DOCK8: variants seen among roughly 807,000 people sequenced by gnomAD.
DOCK8 encodes the protein dedicator of cytokinesis 8.
A neutral mutation model predicts 245.6 loss-of-function variants in DOCK8; 141 were observed. That is an observed-to-expected ratio of 0.57 (90% confidence interval 0.50 to 0.66). The LOEUF is 0.66. Among genes scored for constraint, DOCK8 ranks in the 30% least tolerant of loss-of-function variants. The pLI, the probability that DOCK8 is intolerant of heterozygous loss-of-function variation, is 0.00. For missense variants in DOCK8, 2,965 were observed against 2,603.4 expected (o/e 1.14, Z -3.02); for synonymous variants, 1,168 against 970.2 (o/e 1.20, Z -3.79).
In DOCK8 at chr9:399,260, G is replaced by A; in HGVS notation, c.3234+1G>A. 1 of 1,608,302 alleles carries A rather than the reference G, an allele frequency of 6.2e-7. No individual in the cohort carries two copies. The highest frequency in any genetic ancestry group is 8.5e-7 in the Non-Finnish European group (1 of 1,177,500). ...CCTCATCAGACATTATTGCAGCCAG[G>A]TGAGTGTCCCCCCCACCCCCACCCC... On this transcript the variant is annotated splice_donor_variant, in intron 26 of 47. Coordinates refer to ENST00000432829, the MANE Select transcript of DOCK8 (RefSeq NM_203447.4). LOFTEE classifies it high-confidence loss of function.
intron 2 of DOCK8, among the ~76,000 whole-genome samples, chr9:275,858 G>T (rs1245103662): frequency 6.7e-6 from 1 of 148,340 alleles, no homozygotes; most frequent in South Asian, 2.1e-4. Context: ...CAAAGTGCTG[G>T]GATTACAGGC....
At chr9:426,607 T>A (rs975859581) in intron 33 of DOCK8, among the ~76,000 whole-genome samples, 3 of 152,224 alleles carry the variant, frequency 2.0e-5, no homozygotes, top group African/African-American at 4.8e-5. Context: ...AACTAATAAC[T>A]GCTTCTCTAC....
intron 1 of DOCK8, among the ~76,000 whole-genome samples, chr9:243,043 A>C (rs536539510): frequency 5.1e-4 from 78 of 152,172 alleles, no homozygotes; most frequent in Non-Finnish European, 9.1e-4. Context: ...TTTCTCTGAA[A>C]TTAGCTGTGG....
intron 24 of DOCK8, among the ~76,000 whole-genome samples, chr9:390,981 A>G (rs1563999557): frequency 1.3e-5 from 2 of 152,220 alleles, no homozygotes; most frequent in Non-Finnish European, 1.5e-5. Context: ...ACAAATTTTT[A>G]TCATGACCTA....
intron 1 of DOCK8, among the ~76,000 whole-genome samples, chr9:235,521 C>T (rs2047223804): frequency 6.6e-6 from 1 of 152,230 alleles, no homozygotes; most frequent in Non-Finnish European, 1.5e-5. Flanking sequence ...GCAGGCAGGC[C>T]TCCTTGAGCT....
At chr9:389,373 TG>T (rs2054087225) in intron 23 of DOCK8, among the ~76,000 whole-genome samples, 1 of 152,196 alleles carries the variant, frequency 6.6e-6, no homozygotes, top group Admixed American at 6.5e-5. Context: ...AAAGTGGAGC[TG>T]GGGGACTTTC....
intron 15 of DOCK8, chr9:368,722 A>G (rs953120042): frequency 2.0e-5 from 3 of 151,724 alleles, no homozygotes; most frequent in Non-Finnish European, 4.4e-5. Context: ...CAGAATTTAT[A>G]CTTTTTAAAC....
intron 2 of DOCK8, among the ~76,000 whole-genome samples, chr9:282,552 G>A (rs933945888): frequency 1.3e-5 from 2 of 150,968 alleles, no homozygotes; most frequent in African/African-American, 4.9e-5. Context: ...GGAGTAGCCA[G>A]CAGTATAGGT....
At chr9:409,144 C>G (rs1349741507) in intron 28 of DOCK8, among the ~76,000 whole-genome samples, 3 of 151,932 alleles carry the variant, frequency 2.0e-5, no homozygotes, top group Admixed American at 2.0e-4. Context: ...AGTTGGTAGA[C>G]TTGCCAACAC....
chr9:255,668 C>CAAAAAA (rs71317282), intron 1 of DOCK8, among the ~76,000 whole-genome samples: 1 of 23,496 alleles, frequency 4.3e-5, no homozygotes, highest in Non-Finnish European at 7.6e-5. Context: ...ACTCCATCTC[C>CAAAAAA]AAAAAAAAAA....
intron 26 of DOCK8, among the ~76,000 whole-genome samples, chr9:404,231 G>T (rs2055310033): frequency 6.6e-6 from 1 of 151,416 alleles, no homozygotes; most frequent in Non-Finnish European, 1.5e-5. Context: ...GGAAGCAAGG[G>T]GTCTCTTCCA....
upstream of DOCK8, chr9:214,548 G>C (rs754555025): frequency 1.2e-6 from 2 of 1,613,598 alleles, no homozygotes; most frequent in Non-Finnish European, 1.7e-6. Context: ...CGCCAGCTTT[G>C]TGGGGCTCCC....
At chr9:324,532 T>C (rs953423966) in intron 7 of DOCK8, among the ~76,000 whole-genome samples, 4 of 152,062 alleles carry the variant, frequency 2.6e-5, no homozygotes, top group Non-Finnish European at 5.9e-5. Flanking sequence ...TGCTTTGGGA[T>C]TCACCGTTTC....
At chr9:395,618 G>T (rs1227991251) in intron 24 of DOCK8, among the ~76,000 whole-genome samples, 1 of 151,992 alleles carries the variant, frequency 6.6e-6, no homozygotes, top group African/African-American at 2.4e-5. Context: ...CGTTTTCAGA[G>T]TGTAGGGACC....
rs973653967 is a variant in DOCK8, at chr9:432,204, G to A, written c.4665G>A (p.Leu1555=). 3.1e-6 allele frequency: 5 copies of A among 1,612,968 alleles called. No homozygotes were observed. The African/African-American group carries it at 5.4e-5, about 17-fold the overall frequency. The change falls in exon 37 of 48, where the codon CTG becomes CTA. Residue 1555 remains leucine, a synonymous_variant. Coordinates refer to ENST00000432829, the MANE Select transcript of DOCK8 (RefSeq NM_203447.4). ...ARVKMQVTMS[L]ASLVGRAPDF... ...TAAAGATGCAAGTAACCATGTCCCT[G>A]GCATCTTTGGTGGGAAGAGCACCAG... is the stretch of plus-strand genomic sequence containing the variant.
Position 338,952 on chromosome 9 carries a change from C to G in DOCK8, c.1423-54C>G, listed in dbSNP as rs541234533. On this transcript the variant is annotated intron_variant, in intron 12 of 47. Transcript: ENST00000432829. Reference sequence around the variant, plus strand: ...AAATCTTCCCAGAAATCGTTTGTCCCCAACCCAAGAGTCAAAGGTGCATCT... The same window carrying G: ...AAATCTTCCCAGAAATCGTTTGTCCGCAACCCAAGAGTCAAAGGTGCATCT... 6.2e-5 allele frequency: 93 copies of G among 1,504,904 alleles called. 4 individuals are homozygous for G. The African/African-American group carries it at 1.0e-3, about 17-fold the overall frequency. 93.2% of individuals were successfully genotyped at this position (1,504,904 alleles called of 1,614,324 possible). A position where few individuals can be genotyped will look rare whatever the true frequency, so the allele number is the denominator to read the frequency against.
chr9:351,019 T>A, intron 14 of DOCK8, among the ~76,000 whole-genome samples: 1 of 152,184 alleles, frequency 6.6e-6, no homozygotes, highest in East Asian at 1.9e-4. Flanking sequence ...TGAGGCCGAT[T>A]GACAATTAGC....
At position 306,550 on chromosome 9, in the gene DOCK8, A is replaced by T. The variant is rs1216474410; in HGVS notation, c.528+1846A>T. Among the ~76,000 whole-genome samples the T allele has an allele frequency of 2.0e-5, 3 of 152,154 alleles. No individual in the cohort carries two copies. The East Asian group carries it at 5.8e-4, about 29-fold the overall frequency. ...AGGTCTGAGAGAACCAAAAGGGAAA[A>T]ATGGAGGCTATCCTAAAATCGTCAT... is the stretch of plus-strand genomic sequence containing the variant. On this transcript the variant is annotated intron_variant, in intron 5 of 47. Transcript: ENST00000432829.
intron 1 of DOCK8, among the ~76,000 whole-genome samples, chr9:222,186 C>T (rs1323961288): frequency 6.6e-6 from 1 of 151,884 alleles, no homozygotes; most frequent in Admixed American, 6.6e-5. Context: ...TCACTTGAGA[C>T]CAGGAGTTTG....
Sources: allele counts gnomAD v4.1 joint callset (sites outside exome capture counted in the v4.1 genomes callset), GRCh38; gene constraint gnomAD v4.1.1; transcripts MANE v1.5; gene names NCBI Gene and HGNC (gene_info 2026-07-23, HGNC 2026-07-21).